Variants in TOP1MT observed in about 807,000 individuals in gnomAD.
The protein encoded by TOP1MT is DNA topoisomerase I, mitochondrial.
A neutral mutation model predicts 73.9 loss-of-function variants in TOP1MT; 80 were observed. That is an observed-to-expected ratio of 1.08 (90% confidence interval 0.90 to 1.30). The LOEUF (loss-of-function observed/expected upper bound fraction) is 1.30, where lower values mean the gene tolerates loss of function less well. TOP1MT is among the 50% of genes most tolerant of loss of function. The pLI is 0.00. For synonymous variants in TOP1MT, 338 were observed against 326.4 expected, an observed-to-expected ratio of 1.04 and a Z score of -0.38; for missense variants, 815 against 808.0, an observed-to-expected ratio of 1.01 and a Z score of -0.10.
chr8:143,318,416 C>T (rs1816236799), intron 8 of TOP1MT, among the ~76,000 whole-genome samples: 1 of 152,228 alleles, frequency 6.6e-6, no homozygotes. Context: ...AGCCCACACC[C>T]TTGTAATGTG....
At chr8:143,313,605 G>A (rs1379648018) in intron 12 of TOP1MT, among the ~76,000 whole-genome samples, 1 of 148,622 alleles carries the variant, frequency 6.7e-6, no homozygotes, top group African/African-American at 2.5e-5. Flanking sequence ...TGTAATCCCA[G>A]CACTTTGGGA....
chr8:143,314,912 GA>G (rs1375485406), intron 12 of TOP1MT, among the ~76,000 whole-genome samples: 2 of 152,180 alleles, frequency 1.3e-5, no homozygotes, highest in African/African-American at 4.8e-5. Context: ...GATATGAGGG[GA>G]CATAGTGAGG....
intron 10 of TOP1MT, among the ~76,000 whole-genome samples, chr8:143,317,519 G>A (rs1816201783): frequency 6.6e-6 from 1 of 152,184 alleles, no homozygotes; most frequent in South Asian, 2.1e-4. Flanking sequence ...TGGGATGCCT[G>A]GGGTCCCGAG....
intron 7 of TOP1MT, among the ~76,000 whole-genome samples, chr8:143,321,920 C>T (rs1306850613): frequency 3.4e-5 from 3 of 89,266 alleles, no homozygotes; most frequent in Admixed American, 1.5e-4. Context: ...AGGCACGCCA[C>T]ACACATGCAC....
chr8:143,324,500 AG>A lies in TOP1MT; in HGVS notation c.800del (p.Pro267LeufsTer5), dbSNP rs768413338. ...CTGCGCTCACCTTCAGCTTCGAGCA[AG>A]GGTTCAGCATGATGTACTTGATGGA... ...QNSIKYIMLN[P>X]CSKLKGETAW... On this transcript the variant is annotated frameshift_variant, in exon 6 of 14. Coordinates refer to ENST00000329245, the MANE Select transcript of TOP1MT (RefSeq NM_052963.3). LOFTEE classifies it high-confidence loss of function. 6.9e-5 allele frequency: 111 copies of A among 1,613,824 alleles called. No individual in the cohort carries two copies. The East Asian group carries it at 2.5e-3, about 36-fold the overall frequency.
At chr8:143,314,655 C>T (rs370614514) in intron 12 of TOP1MT, among the ~76,000 whole-genome samples, 14 of 151,172 alleles carry the variant, frequency 9.3e-5, no homozygotes, top group African/African-American at 2.9e-4. Flanking sequence ...CATGGGAAGG[C>T]GCGTCTGAAG....
rs1816711188 is a variant in TOP1MT, at chr8:143,326,441, T to A, written c.361-97A>T. ...GACGGACAGAAACGCGCTCTCGCCA[T>A]GTCCGACGGAGGCGTGTGTGCAATA... On this transcript the variant is annotated intron_variant, in intron 3 of 13. Coordinates refer to ENST00000329245, the MANE Select transcript of TOP1MT (RefSeq NM_052963.3). 1.9e-6 allele frequency: 3 copies of A among 1,543,738 alleles called. No homozygotes were observed. The South Asian group carries it at 3.5e-5, about 18-fold the overall frequency.
chr8:143,317,694 C>G (rs898476993), intron 10 of TOP1MT, 29 bp downstream of exon 10: 1 of 1,597,242 alleles, frequency 6.3e-7, no homozygotes, highest in Non-Finnish European at 8.6e-7. Flanking sequence ...GCTCCCCCCG[C>G]GCTGAGTGTG....
upstream of TOP1MT, chr8:143,359,431 C>T (rs2130497228): frequency 1.0e-6 from 1 of 985,242 alleles, no homozygotes; most frequent in Non-Finnish European, 1.2e-6. Context: ...AGCGGAATCC[C>T]ATCAGCGACG....
chr8:143,348,656 G>A (rs1379569972), upstream of TOP1MT, among the ~76,000 whole-genome samples: 2 of 152,154 alleles, frequency 1.3e-5, no homozygotes, highest in African/African-American at 4.8e-5. This position sits in a 1 kb window ranked among gnomAD's most constrained non-coding sequence, Gnocchi z 4.6. Context: ...CCCATGCGCC[G>A]CTGAAAAGCA....
chr8:143,359,250 A>C, upstream of TOP1MT: 4 of 985,180 alleles, frequency 4.1e-6, no homozygotes, highest in Non-Finnish European at 4.8e-6. Context: ...AAAGAAAAAA[A>C]AACAGCTGCA....
chr8:143,329,388 C>A lies in TOP1MT; in HGVS notation c.322G>T (p.Glu108Ter), dbSNP rs755631192. 1.4e-5 allele frequency: 23 copies of A among 1,609,442 alleles called. No homozygotes were observed. Among genetic ancestry groups the A allele is most frequent in the Non-Finnish European group, 1.6e-5 (19 of 1,178,846 alleles). The part of the protein sequence containing the change: ...RMLDHEYTTK[E>*]VFRKNFFNDW... ...TTGAAGAAGTTCTTCCGGAAAACCTCCTTTGTTGTGTATTCATGATCTAAC... is the reference window on the plus strand; with the variant it reads ...TTGAAGAAGTTCTTCCGGAAAACCTACTTTGTTGTGTATTCATGATCTAAC... The change falls in exon 3 of 14, where the codon GAG becomes TAG. Residue 108 changes from glutamate (E) to a stop codon, truncating the protein, a stop_gained. Transcript: ENST00000329245. LOFTEE classifies it high-confidence loss of function.
chr8:143,329,070 G>A (rs976919526), intron 3 of TOP1MT, among the ~76,000 whole-genome samples: 6 of 152,012 alleles, frequency 3.9e-5, no homozygotes, highest in Non-Finnish European at 8.8e-5. Flanking sequence ...ACCACAAATC[G>A]GCCTCCACAT....
chr8:143,318,113 G>A (rs767961979), intron 8 of TOP1MT, 27 bp from the exon 9 acceptor site: 11 of 1,611,386 alleles, frequency 6.8e-6, no homozygotes, highest in East Asian at 2.2e-5. Context: ...GAATTTCAGA[G>A]GACAGAAAAA....
chr8:143,352,251 AAAG>A (rs1182295973), intron 1 of TOP1MT, among the ~76,000 whole-genome samples: 1 of 152,228 alleles, frequency 6.6e-6, no homozygotes, highest in Non-Finnish European at 1.5e-5. Flanking sequence ...AGTCTTTTAA[AAAG>A]AAGAACAAAT....
chr8:143,321,589 ACG>A (rs1410289477), intron 7 of TOP1MT, among the ~76,000 whole-genome samples: 18 of 43,414 alleles, frequency 4.1e-4, no homozygotes, highest in East Asian at 8.6e-4. Flanking sequence ...GGCACGCCAC[ACG>A]CACGCACGCC....
chr8:143,359,163 C>T, upstream of TOP1MT: 1 of 941,072 alleles, frequency 1.1e-6, no homozygotes, highest in South Asian at 4.9e-5. Flanking sequence ...ATTTTGAATG[C>T]TGCATAGAGA....
chr8:143,343,982 AAC>A (rs1817177177), intron 1 of TOP1MT: 1 of 152,446 alleles, frequency 6.6e-6, no homozygotes, highest in African/African-American at 2.4e-5. Context: ...GACACAGTGA[AAC>A]ACGCGTCTTG....
chr8:143,340,678 A>G (rs902182973), intron 2 of TOP1MT, among the ~76,000 whole-genome samples: 1 of 151,970 alleles, frequency 6.6e-6, no homozygotes, highest in Non-Finnish European at 1.5e-5. Flanking sequence ...GCTCACTCCC[A>G]CACTGCACTT....
Sources: gnomAD v4.1 joint callset for allele counts (sites outside exome capture counted in the v4.1 genomes callset) on GRCh38, gnomAD v4.1.1 for gene constraint, Gnocchi (gnomAD v3.1) non-coding constraint, MANE v1.5 for transcripts, NCBI Gene and HGNC (gene_info 2026-07-23, HGNC 2026-07-21) for gene names.